The following TFCP2 variants were observed in gnomAD, a reference collection of about 807,000 sequenced individuals.
TFCP2 encodes the protein transcription factor CP2, also known as alpha-globin transcription factor CP2.
In TFCP2, 33 loss-of-function variants were observed where a neutral mutation model predicts 73.4. The ratio of observed to expected loss-of-function variants is 0.45; its 90% CI spans 0.34 to 0.60. The LOEUF is 0.60. Ranked by LOEUF, TFCP2 falls within the 20% of genes least tolerant of loss-of-function variation. The pLI is 0.01. For synonymous variants in TFCP2, 193 were observed against 211.6 expected (o/e 0.91, Z 0.76); for missense variants, 352 against 604.0 (o/e 0.58, Z 4.37).
intron 1 of TFCP2, among the ~76,000 whole-genome samples, chr12:51,139,041 T>A (rs1440851342): frequency 1.3e-5 from 2 of 152,242 alleles, no homozygotes; most frequent in Non-Finnish European, 2.9e-5. Context: ...AGCAGAAATG[T>A]TATTTGCCCC....
intron 1 of TFCP2, among the ~76,000 whole-genome samples, chr12:51,157,136 C>A (rs1202298885): frequency 6.6e-6 from 1 of 152,020 alleles, no homozygotes; most frequent in Admixed American, 6.6e-5. Context: ...CTGCCTCAGC[C>A]TCCTAAGTAG....
At position 51,119,399 on chromosome 12, in the gene TFCP2, A is replaced by G. The variant is rs150624002; in HGVS notation, c.123-627T>C. ...AAAACCACACTCTCATCCTTTTGTC[A>G]GTAGCAATGTACAATGACATAAAAC... On this transcript the variant is annotated intron_variant, in intron 1 of 14. Coordinates refer to ENST00000257915, the MANE Select transcript of TFCP2 (RefSeq NM_005653.5). Among the ~76,000 whole-genome samples, 399 of 152,360 alleles carry G rather than the reference A, an allele frequency of 2.6e-3. 1 individual carries two copies. Among genetic ancestry groups the G allele is most frequent in the African/African-American group, 8.8e-3 (366 of 41,594 alleles).
intron 1 of TFCP2, among the ~76,000 whole-genome samples, chr12:51,136,796 C>A (rs1437209011): frequency 6.6e-6 from 1 of 152,060 alleles, no homozygotes; most frequent in African/African-American, 2.4e-5. Flanking sequence ...AATAATTAGC[C>A]GGCATGGTGG....
At chr12:51,097,788 G>A (rs1002656638) in intron 13 of TFCP2, among the ~76,000 whole-genome samples, 14 of 151,822 alleles carry the variant, frequency 9.2e-5, no homozygotes, top group African/African-American at 3.1e-4. Flanking sequence ...AGGCTGAGGC[G>A]GGTTGATCAC....
Position 51,159,874 on chromosome 12 carries a change from C to T in TFCP2, c.122+12427G>A, listed in dbSNP as rs147781592. Among the ~76,000 whole-genome samples the T allele has an allele frequency of 6.5e-4, 99 of 152,276 alleles. No homozygotes were observed. In the East Asian group the frequency reaches 0.018, roughly 28 times the overall value. ...GCTCCAGGAACATGTGCACAGCTGC[C>T]TGCCATGGGGCTGAGGGATGTGGAT... is the stretch of plus-strand genomic sequence containing the variant. On this transcript the variant is annotated intron_variant, in intron 1 of 14. Coordinates refer to ENST00000257915, the MANE Select transcript of TFCP2 (RefSeq NM_005653.5).
Position 51,098,905 on chromosome 12 carries a change from G to T in TFCP2, c.1290C>A (p.Ile430=). Residue 430 remains isoleucine, a synonymous_variant, in exon 13 of 15, where the codon ATC becomes ATA. Transcript: ENST00000257915. ...SNGTFFVYHA[I]YLEELTAVEL... ...CAACAGCTGTTAGTTCTTCTAGATA[G>T]ATAGCATGGTAAACTGCAAAAGGGA... is the stretch of plus-strand genomic sequence containing the variant. 1.2e-6 allele frequency: 2 copies of T among 1,614,114 alleles called. No homozygotes were observed. The highest frequency in any genetic ancestry group is 1.7e-6 in the Non-Finnish European group (2 of 1,180,028).
At chr12:51,136,018 G>T (rs114337831) in intron 1 of TFCP2, among the ~76,000 whole-genome samples, 2,076 of 152,146 alleles carry the variant, frequency 0.014, 51 homozygotes, top group African/African-American at 0.047. Context: ...GTTAAAGAAG[G>T]TTCCCTGGCC....
intron 1 of TFCP2, among the ~76,000 whole-genome samples, chr12:51,140,109 A>G (rs1287315823): frequency 6.6e-6 from 1 of 152,210 alleles, no homozygotes; most frequent in Non-Finnish European, 1.5e-5. Context: ...CAACTGTTCA[A>G]AACATTCCTG....
rs1939989009 is a variant in TFCP2 at position 51,097,341 on chromosome 12, C to CG, written c.1420-1302dup. 2.6e-5 allele frequency among the ~76,000 whole-genome samples: 4 copies of CG among 152,106 alleles called. No homozygotes were observed. The South Asian group carries it at 8.3e-4, about 32-fold the overall frequency. ...TTGGCTCACCGCAACCTCTGCCTCT[C>CG]GGGTTCAAGCAGTTCTCTGCCTCAG... On this transcript the variant is annotated intron_variant, in intron 13 of 14. Transcript: ENST00000257915.
rs1941661876 is a variant in TFCP2, at chr12:51,162,086, C to T, written c.122+10215G>A. 2.0e-5 allele frequency among the ~76,000 whole-genome samples: 3 copies of T among 151,672 alleles called. No homozygotes were observed. In the South Asian group the frequency reaches 6.2e-4, roughly 31 times the overall value. Reference sequence around the variant, plus strand: ...GAGTTGAACAGGCAGAAGAAAGAATCAATGAACATGAAGATAGAATTGAAA... The same window carrying T: ...GAGTTGAACAGGCAGAAGAAAGAATTAATGAACATGAAGATAGAATTGAAA... On this transcript the variant is annotated intron_variant, in intron 1 of 14. Transcript: ENST00000257915.
rs147856706 is a variant in TFCP2, at chr12:51,120,859, G to A, written c.123-2087C>T. Among the ~76,000 whole-genome samples the A allele has an allele frequency of 5.6e-3, 794 of 141,152 alleles. 11 individuals carry two copies. Among genetic ancestry groups the A allele is most frequent in the African/African-American group, 0.019 (747 of 38,428 alleles). The allele number at this position is 141,152 out of a possible 152,430, so 92.6% of individuals were successfully genotyped here. On this transcript the variant is annotated intron_variant, in intron 1 of 14. Coordinates refer to ENST00000257915, the MANE Select transcript of TFCP2 (RefSeq NM_005653.5). ...CTGAGGCACGAGAATCACTTGAGCC[G>A]AGATTGTGCCACTGCACTCCAGCCT...
At chr12:51,171,410 C>T (rs1941858999) in intron 1 of TFCP2, among the ~76,000 whole-genome samples, 1 of 152,178 alleles carries the variant, frequency 6.6e-6, no homozygotes, top group African/African-American at 2.4e-5. Flanking sequence ...TGGAGTCTCA[C>T]TTTGTTGCCC....
Position 51,098,874 on chromosome 12 carries a change from T to A in TFCP2, c.1321A>T (p.Thr441Ser). Residue 441 changes from threonine to serine, a missense_variant, in exon 13 of 15, where the codon ACA becomes TCA. Coordinates refer to ENST00000257915, the MANE Select transcript of TFCP2 (RefSeq NM_005653.5). ...CTGAAAAGCTGAGCAATTTTTTCTG[T>A]CAATTCAACAGCTGTTAGTTCTTCT... ...YLEELTAVEL[T>S]EKIAQLFSIS... is the part of the protein sequence containing the mutation. 1 of 1,614,118 alleles carries A rather than the reference T, an allele frequency of 6.2e-7. No homozygotes were observed. The highest frequency in any genetic ancestry group is 2.2e-5 in the East Asian group (1 of 44,874).
At chr12:51,132,477 T>G (rs1281492145) in intron 1 of TFCP2, among the ~76,000 whole-genome samples, 2 of 147,446 alleles carry the variant, frequency 1.4e-5, no homozygotes, top group Non-Finnish European at 3.0e-5. Flanking sequence ...CAAGTGATTA[T>G]CTTGCCTCAG....
chr12:51,122,440 G>A (rs1940706933), intron 1 of TFCP2, among the ~76,000 whole-genome samples: 1 of 151,576 alleles, frequency 6.6e-6, no homozygotes, highest in Non-Finnish European at 1.5e-5. Flanking sequence ...TATATTTTTA[G>A]TAGAGACAGG....
chr12:51,170,808 A>G (rs1941844952), intron 1 of TFCP2, among the ~76,000 whole-genome samples: 1 of 151,608 alleles, frequency 6.6e-6, no homozygotes, highest in Non-Finnish European at 1.5e-5. Flanking sequence ...CCTCCCAAGT[A>G]GCTGGGATTA....
intron 1 of TFCP2, among the ~76,000 whole-genome samples, chr12:51,159,911 A>G (rs1592839273): frequency 6.6e-6 from 1 of 152,140 alleles, no homozygotes. Flanking sequence ...GGCAGCTGCT[A>G]TTGTGCTAAG....
intron 8 of TFCP2, 143 bp from the exon 9 acceptor site, chr12:51,104,346 C>T: frequency 4.6e-6 from 3 of 651,762 alleles, no homozygotes. Context: ...ATTCTTTGAC[C>T]CAATACTTTA....
In TFCP2 at chr12:51,109,235, A is replaced by G. The variant is rs764047059; in HGVS notation, c.603T>C (p.His201=). 4 of 1,614,018 alleles carry G rather than the reference A, an allele frequency of 2.5e-6. No homozygotes were observed. The highest frequency in any genetic ancestry group is 3.4e-6 in the Non-Finnish European group (4 of 1,180,018). ...GGAATGGCACCCCCTTTTCTCCACC[A>G]TGTTTCCTCATAGTGAACTCTGTGC... The part of the protein sequence containing the change: ...CISTEFTMRK[H]GGEKGVPFRV... The change falls in exon 6 of 15, where the codon CAT becomes CAC. Residue 201 remains histidine (H), a synonymous_variant. Coordinates refer to ENST00000257915, the MANE Select transcript of TFCP2 (RefSeq NM_005653.5).
Sources: gnomAD v4.1 joint callset for allele counts (sites outside exome capture counted in the v4.1 genomes callset) on GRCh38, gnomAD v4.1.1 for gene constraint, MANE v1.5 for transcripts, NCBI Gene and HGNC (gene_info 2026-07-23, HGNC 2026-07-21) for gene names.